The following MBD5 variants were observed in gnomAD, a reference collection of about 807,000 sequenced individuals.
The protein encoded by MBD5 is methyl-CpG-binding domain protein 5.
A neutral mutation model predicts 117.3 loss-of-function variants in MBD5; 13 were observed. The observed-to-expected ratio is 0.11, with a 90% CI of 0.07 to 0.18. The LOEUF is 0.18. Ranked by LOEUF, MBD5 falls within the 10% of genes least tolerant of loss-of-function variation. MBD5 has a pLI of 1.00. For synonymous variants in MBD5, 727 were observed against 766.4 expected, an observed-to-expected ratio of 0.95 and a Z score of 0.85; for missense variants, 1,879 against 2,093.8, an observed-to-expected ratio of 0.90 and a Z score of 2.00.
At chr2:148,164,625 G>A (rs951542765) in intron 1 of MBD5, among the ~76,000 whole-genome samples, 2 of 151,940 alleles carry the variant, frequency 1.3e-5, no homozygotes, top group South Asian at 2.1e-4. Flanking sequence ...TCTACAAGAC[G>A]TTTTTAGGAC....
chr2:148,304,018 A>G (rs939424874), intron 3 of MBD5, among the ~76,000 whole-genome samples: 1 of 152,180 alleles, frequency 6.6e-6, no homozygotes, highest in African/African-American at 2.4e-5. Context: ...TAATGCCCTC[A>G]TCAATCTCTC....
At chr2:148,253,653 TCTAA>T (rs1472087182) in intron 3 of MBD5, among the ~76,000 whole-genome samples, 1 of 152,204 alleles carries the variant, frequency 6.6e-6, no homozygotes, top group African/African-American at 2.4e-5. Context: ...ATTGTCAGGT[TCTAA>T]CTGAGGTCCG....
chr2:148,407,106 A>G (rs545096561), intron 4 of MBD5, among the ~76,000 whole-genome samples: 2 of 152,232 alleles, frequency 1.3e-5, no homozygotes, highest in Non-Finnish European at 2.9e-5. Flanking sequence ...GAAAAAGGAC[A>G]TTTAGGTGTT....
At chr2:148,422,486 G>A (rs1194444921) in intron 4 of MBD5, among the ~76,000 whole-genome samples, 1 of 152,114 alleles carries the variant, frequency 6.6e-6, no homozygotes, top group Non-Finnish European at 1.5e-5. Context: ...AGAAACCAGC[G>A]CAAAAAGGCT....
chr2:148,140,861 G>T (rs1697296443), intron 1 of MBD5, among the ~76,000 whole-genome samples: 2 of 152,058 alleles, frequency 1.3e-5, no homozygotes, highest in South Asian at 4.2e-4. Flanking sequence ...TGCCTCCTGG[G>T]CTCAAGCAAT....
chr2:148,272,651 G>A (rs1167286927), intron 3 of MBD5, among the ~76,000 whole-genome samples: 1 of 151,906 alleles, frequency 6.6e-6, no homozygotes. Flanking sequence ...CTCTTGTTGA[G>A]TTCTTTGTGT....
chr2:148,513,049 A>G lies in MBD5; in HGVS notation c.*108A>G. 1 of 1,124,656 alleles carries G rather than the reference A, an allele frequency of 8.9e-7. No individual in the cohort carries two copies. Among genetic ancestry groups the G allele is most frequent in the Non-Finnish European group, 1.3e-6 (1 of 750,364 alleles). 69.7% of individuals were successfully genotyped at this position (1,124,656 alleles called of 1,614,324 possible). On this transcript the variant is annotated 3_prime_UTR_variant, in exon 14 of 14. Transcript: ENST00000642680. ...GTTATATCAATATTTAGACTATGGC[A>G]GATAGCTACCACCACCACAGGGTGC...
intron 2 of MBD5, among the ~76,000 whole-genome samples, chr2:148,214,448 T>C (rs1053315595): frequency 6.6e-6 from 1 of 152,228 alleles, no homozygotes; most frequent in Non-Finnish European, 1.5e-5. Flanking sequence ...GGTAGCAGAT[T>C]GGACTTACTC....
intron 1 of MBD5, among the ~76,000 whole-genome samples, chr2:148,158,311 C>T (rs1303446786): frequency 1.3e-5 from 2 of 152,090 alleles, no homozygotes; most frequent in African/African-American, 4.8e-5. Context: ...TTATGCAAAA[C>T]AAGCATACAC....
At chr2:148,183,858 A>G (rs1015869948) in intron 2 of MBD5, among the ~76,000 whole-genome samples, 2 of 152,142 alleles carry the variant, frequency 1.3e-5, no homozygotes, top group African/African-American at 4.8e-5. Context: ...CTGCATTGTC[A>G]TATGTAAAAA....
intron 1 of MBD5, among the ~76,000 whole-genome samples, chr2:148,150,566 C>A (rs189743697): frequency 0.012 from 1,872 of 152,154 alleles, 44 homozygotes; most frequent in African/African-American, 0.043. Flanking sequence ...ATTCTTCTGA[C>A]CCATGAGCAT....
At chr2:148,257,599 G>A (rs1700620496) in intron 3 of MBD5, among the ~76,000 whole-genome samples, 1 of 152,186 alleles carries the variant, frequency 6.6e-6, no homozygotes, top group African/African-American at 2.4e-5. Context: ...CAAGAGGGAT[G>A]CCACCACTTC....
chr2:148,164,467 AT>A (rs1372609722), intron 1 of MBD5, among the ~76,000 whole-genome samples: 1 of 152,116 alleles, frequency 6.6e-6, no homozygotes, highest in Non-Finnish European at 1.5e-5. Flanking sequence ...TTTAAGTATT[AT>A]ATTATTTAGT....
chr2:148,146,220 GT>G (rs1697459474), intron 1 of MBD5, among the ~76,000 whole-genome samples: 1 of 151,888 alleles, frequency 6.6e-6, no homozygotes, highest in African/African-American at 2.4e-5. Flanking sequence ...TGATGAGTTT[GT>G]TTTTTCTTGC....
intron 4 of MBD5, among the ~76,000 whole-genome samples, chr2:148,442,735 C>A (rs950437745): frequency 6.6e-6 from 1 of 151,106 alleles, no homozygotes; most frequent in Non-Finnish European, 1.5e-5. Context: ...TTGCAATATA[C>A]AAAAATCAAA....
At chr2:148,327,430 G>A (rs1249997929) in intron 3 of MBD5, among the ~76,000 whole-genome samples, 1 of 152,178 alleles carries the variant, frequency 6.6e-6, no homozygotes, top group African/African-American at 2.4e-5. Flanking sequence ...CCTTTAGAGT[G>A]TTTCCTGCAG....
chr2:148,489,994 T>A lies in MBD5; in HGVS notation c.4362T>A (p.His1454Gln). ...AGGAATTTTTAGATCATCCAGGCCA[T>A]ATCCACAGTAGTCCTTGTCATGAAA... ...KYEEFLDHPG[H>Q]IHSSPCHERP... The change falls in exon 11 of 14, where the codon CAT becomes CAA. Residue 1454 changes from histidine (H) to glutamine (Q), a missense_variant. Around this residue, in one of 4 missense-constraint regions of MBD5, gnomAD observed 1,666 missense variants for 1,792.2 expected, o/e 0.93. Coordinates refer to ENST00000642680, the MANE Select transcript of MBD5 (RefSeq NM_001378120.1). 1 of 1,613,948 alleles carries A rather than the reference T, an allele frequency of 6.2e-7. No homozygotes were observed. The highest frequency in any genetic ancestry group is 1.3e-5 in the African/African-American group (1 of 74,984).
chr2:148,404,642 G>A (rs1705023178), intron 4 of MBD5, among the ~76,000 whole-genome samples: 1 of 152,214 alleles, frequency 6.6e-6, no homozygotes, highest in Non-Finnish European at 1.5e-5. Flanking sequence ...ATAAGCTAGG[G>A]ACGTTCTAGG....
chr2:148,112,813 A>G (rs1267972552), intron 1 of MBD5, among the ~76,000 whole-genome samples: 1 of 152,032 alleles, frequency 6.6e-6, no homozygotes, highest in African/African-American at 2.4e-5. Flanking sequence ...CTGTTCTGGC[A>G]CTTACTACTT....
Sources: allele counts gnomAD v4.1 joint callset (sites outside exome capture counted in the v4.1 genomes callset), GRCh38; gene constraint gnomAD v4.1.1; regional missense constraint gnomAD v4.1.1; transcripts MANE v1.5; gene names NCBI Gene and HGNC (gene_info 2026-07-23, HGNC 2026-07-21).